APBB1IP: variants seen among roughly 807,000 people sequenced by gnomAD.
The protein encoded by APBB1IP is amyloid beta A4 precursor protein-binding family B member 1-interacting protein.
APBB1IP carries 27 observed loss-of-function variants against 64.9 expected under a neutral mutation model. The ratio of observed to expected loss-of-function variants is 0.42; its 90% CI spans 0.31 to 0.57. The LOEUF is 0.57. APBB1IP is among the 20% of genes least tolerant of loss of function. The probability of loss-of-function intolerance (pLI) is 0.20; values close to 1 mark genes in which losing one functional copy is unlikely to be tolerated. For missense variants in APBB1IP, 812 were observed against 845.5 expected, an observed-to-expected ratio of 0.96 and a Z score of 0.49; for synonymous variants, 392 against 331.0, an observed-to-expected ratio of 1.18 and a Z score of -2.00.
At chr10:26,529,266 C>T (rs550057292) in intron 8 of APBB1IP, among the ~76,000 whole-genome samples, 3 of 152,232 alleles carry the variant, frequency 2.0e-5, no homozygotes, top group East Asian at 1.9e-4. Context: ...ATTGAGTGGG[C>T]GCCCACACCG....
At chr10:26,531,530 G>C (rs111478997) in intron 8 of APBB1IP, among the ~76,000 whole-genome samples, 1 of 152,004 alleles carries the variant, frequency 6.6e-6, no homozygotes, top group East Asian at 1.9e-4. Context: ...AGCCGGGCGC[G>C]ATGGCGGGCG....
chr10:26,521,154 T>G, intron 8 of APBB1IP, among the ~76,000 whole-genome samples: 1 of 152,186 alleles, frequency 6.6e-6, no homozygotes, highest in South Asian at 2.1e-4. Flanking sequence ...TGGAACAGTC[T>G]GTGTTTTAGC....
intron 6 of APBB1IP, chr10:26,509,677 G>A (rs1036353587): frequency 6.6e-6 from 1 of 152,190 alleles, no homozygotes; most frequent in Non-Finnish European, 1.5e-5. Context: ...TTGGATGGGA[G>A]GTAGGAATAG....
chr10:26,556,975 G>A (rs1836902056), intron 11 of APBB1IP, among the ~76,000 whole-genome samples: 2 of 152,194 alleles, frequency 1.3e-5, no homozygotes, highest in Non-Finnish European at 2.9e-5. Context: ...TATTGTTGAA[G>A]GGAATGCTGG....
At chr10:26,492,830 T>C (rs1408877507) in intron 3 of APBB1IP, among the ~76,000 whole-genome samples, 1 of 152,194 alleles carries the variant, frequency 6.6e-6, no homozygotes, top group East Asian at 1.9e-4. Context: ...TGAAGTTCCA[T>C]GCCCCGCTGT....
chr10:26,556,402 A>G (rs923590062), intron 11 of APBB1IP, among the ~76,000 whole-genome samples: 3 of 152,194 alleles, frequency 2.0e-5, no homozygotes, highest in African/African-American at 7.2e-5. Flanking sequence ...TCTTAGAACC[A>G]TAAAATCTGA....
intron 2 of APBB1IP, among the ~76,000 whole-genome samples, chr10:26,483,339 A>G (rs902791307): frequency 6.6e-6 from 1 of 152,134 alleles, no homozygotes; most frequent in Non-Finnish European, 1.5e-5. Flanking sequence ...TTATCTCTGG[A>G]TGCCTCAGTT....
intron 6 of APBB1IP, among the ~76,000 whole-genome samples, chr10:26,506,410 C>T (rs1219603928): frequency 1.3e-5 from 2 of 151,996 alleles, no homozygotes; most frequent in East Asian, 3.9e-4. Context: ...CCATGGCCCA[C>T]TATTTTTTAA....
intron 2 of APBB1IP, among the ~76,000 whole-genome samples, chr10:26,443,532 C>CTTTATTTATTTATTTA (rs71401892): frequency 5.4e-4 from 82 of 151,292 alleles, no homozygotes; most frequent in African/African-American, 2.0e-3. Flanking sequence ...GTCATCTCCA[C>CTTTATTTATTTATTTA]TTTATTTATT....
At chr10:26,508,353 G>A (rs1222533745) in intron 6 of APBB1IP, among the ~76,000 whole-genome samples, 2 of 148,852 alleles carry the variant, frequency 1.3e-5, no homozygotes, top group Non-Finnish European at 3.0e-5. Flanking sequence ...AATGCCCTGG[G>A]ACACCAGAGA....
At chr10:26,564,348 G>T (rs1400955968) in intron 14 of APBB1IP, among the ~76,000 whole-genome samples, 2 of 152,136 alleles carry the variant, frequency 1.3e-5, no homozygotes, top group Non-Finnish European at 2.9e-5. Context: ...GGCCAAATTT[G>T]GCATGCTGGT....
intron 2 of APBB1IP, among the ~76,000 whole-genome samples, chr10:26,457,225 T>A (rs191760679): frequency 1.2e-4 from 19 of 152,336 alleles, no homozygotes; most frequent in African/African-American, 4.6e-4. Context: ...CCGAGCCTTG[T>A]CTTCCCTTTC....
intron 2 of APBB1IP, among the ~76,000 whole-genome samples, chr10:26,466,070 G>C (rs1259522511): frequency 6.6e-6 from 1 of 152,150 alleles, no homozygotes; most frequent in Non-Finnish European, 1.5e-5. Flanking sequence ...TGAGCAGTTG[G>C]GGGTGACCCA....
chr10:26,460,380 A>G (rs7914300), intron 2 of APBB1IP, among the ~76,000 whole-genome samples: 5,885 of 152,232 alleles, frequency 0.039, 373 homozygotes, highest in African/African-American at 0.13. Flanking sequence ...TCCTCCTCAC[A>G]TTGACTCCCC....
At chr10:26,473,790 C>T (rs1217526033) in intron 2 of APBB1IP, among the ~76,000 whole-genome samples, 1 of 152,016 alleles carries the variant, frequency 6.6e-6, no homozygotes, top group Non-Finnish European at 1.5e-5. Flanking sequence ...TCACTTGAGG[C>T]CAAGAGTTTG....
intron 2 of APBB1IP, among the ~76,000 whole-genome samples, chr10:26,448,915 C>CT (rs1427899971): frequency 2.6e-5 from 4 of 151,994 alleles, no homozygotes; most frequent in South Asian, 2.1e-4. Context: ...CTTCTGTTTT[C>CT]TTTTTTTTGC....
rs114842524 is a variant in APBB1IP, at chr10:26,502,158, G to C, written c.454-1039G>C. Among the ~76,000 whole-genome samples the C allele has an allele frequency of 9.3e-3, 1,421 of 152,242 alleles. 28 individuals are homozygous for C. Among genetic ancestry groups the C allele is most frequent in the African/African-American group, 0.033 (1,355 of 41,528 alleles). ...AATTTGAGAACCACTGCTATAAAAAGATACATGCCTATATTCAAGTAATTA... is the reference window on the plus strand; with the variant it reads ...AATTTGAGAACCACTGCTATAAAAACATACATGCCTATATTCAAGTAATTA... On this transcript the variant is annotated intron_variant, in intron 5 of 14. Coordinates refer to ENST00000376236, the MANE Select transcript of APBB1IP (RefSeq NM_019043.4).
At chr10:26,525,615 A>C (rs1295035381) in intron 8 of APBB1IP, among the ~76,000 whole-genome samples, 1 of 152,196 alleles carries the variant, frequency 6.6e-6, no homozygotes, top group Non-Finnish European at 1.5e-5. Flanking sequence ...TACAAAAATC[A>C]GTGACATTGC....
In APBB1IP at chr10:26,560,718, T is replaced by C; in HGVS notation, c.1255-12T>C. 1 of 1,558,086 alleles carries C rather than the reference T, an allele frequency of 6.4e-7. No homozygotes were observed. The highest frequency in any genetic ancestry group is 1.4e-5 in the African/African-American group (1 of 72,684). ...GGATTCCTTTCCTTCTTCCTTTGTGTTCTCTCCCCAGTATGGGAAGACTCT... is the reference window on the plus strand; with the variant it reads ...GGATTCCTTTCCTTCTTCCTTTGTGCTCTCTCCCCAGTATGGGAAGACTCT... On this transcript the variant is annotated splice_polypyrimidine_tract_variant and intron_variant, in intron 12 of 14. Coordinates refer to ENST00000376236, the MANE Select transcript of APBB1IP (RefSeq NM_019043.4).
Sources: allele counts gnomAD v4.1 joint callset (sites outside exome capture counted in the v4.1 genomes callset), GRCh38; gene constraint gnomAD v4.1.1; transcripts MANE v1.5; gene names NCBI Gene and HGNC (gene_info 2026-07-23, HGNC 2026-07-21).